FAM184A: variants seen among roughly 807,000 people sequenced by gnomAD.
FAM184A encodes the protein protein FAM184A.
FAM184A carries 99 observed loss-of-function variants against 143.8 expected under a neutral mutation model. That is an observed-to-expected ratio of 0.69 (90% CI 0.58 to 0.81). The LOEUF is 0.81. Among genes scored for constraint, FAM184A ranks in the 40% least tolerant of loss-of-function variants. FAM184A has a pLI of 0.00. For missense variants in FAM184A, 1,217 were observed against 1,310.5 expected (o/e 0.93, Z 1.10); for synonymous variants, 427 against 446.4 (o/e 0.96, Z 0.55).
At chr6:118,981,150 G>A (rs1228305293) in intron 9 of FAM184A, among the ~76,000 whole-genome samples, 1 of 152,016 alleles carries the variant, frequency 6.6e-6, no homozygotes. Context: ...ACTTCTAGAT[G>A]TCTTAATATA....
chr6:118,989,685 CT>C (rs1784308897), intron 9 of FAM184A, among the ~76,000 whole-genome samples: 1 of 151,676 alleles, frequency 6.6e-6, no homozygotes, highest in Admixed American at 6.6e-5. Flanking sequence ...GTTAATTTTA[CT>C]TTTTACTTTA....
At chr6:119,008,762 C>CA (rs1785003036) in intron 6 of FAM184A, among the ~76,000 whole-genome samples, 1 of 152,338 alleles carries the variant, frequency 6.6e-6, no homozygotes, top group Non-Finnish European at 1.5e-5. Flanking sequence ...TGCAACACTA[C>CA]AGTGAGTTTT....
At position 118,964,769 on chromosome 6, in the gene FAM184A, C is replaced by A; in HGVS notation, c.3036G>T (p.Glu1012Asp). 1 of 1,521,336 alleles carries A rather than the reference C, an allele frequency of 6.6e-7. No homozygotes were observed. The highest frequency in any genetic ancestry group is 9.1e-7 in the Non-Finnish European group (1 of 1,101,294). 94.2% of individuals were successfully genotyped at this position (1,521,336 alleles called of 1,614,324 possible). The change falls in exon 16 of 18, where the codon GAG becomes GAT. Residue 1012 changes from glutamate (E) to aspartate (D), a missense_variant and splice_region_variant. Coordinates refer to ENST00000338891, the MANE Select transcript of FAM184A (RefSeq NM_024581.6). ...ATTCCAGCTGATAAAACTTATTATC[C>A]TCCTATGCAAAAGAATTATAAACAT... ...ERDQIIKKLIEDNKFYQLELV... is the reference protein window; with the variant it reads ...ERDQIIKKLIDDNKFYQLELV...
chr6:119,093,075 A>G (rs1788414367), intron 1 of FAM184A, among the ~76,000 whole-genome samples: 1 of 152,128 alleles, frequency 6.6e-6, no homozygotes, highest in African/African-American at 2.4e-5. Flanking sequence ...TTTTATTCCC[A>G]TTGACCCTAG....
At chr6:119,147,938 G>T (rs562742640) in intron 1 of FAM184A, among the ~76,000 whole-genome samples, 13 of 152,166 alleles carry the variant, frequency 8.5e-5, no homozygotes, top group Admixed American at 6.5e-5. Flanking sequence ...CCAGTGCTTT[G>T]CCTGTGATGG....
chr6:119,056,958 T>G (rs977982817), intron 1 of FAM184A, among the ~76,000 whole-genome samples: 1 of 152,204 alleles, frequency 6.6e-6, no homozygotes, highest in African/African-American at 2.4e-5. Flanking sequence ...ATTGAGAAAT[T>G]TATTCCACAG....
chr6:119,037,305 G>A (rs1430814074), intron 1 of FAM184A, among the ~76,000 whole-genome samples: 1 of 152,126 alleles, frequency 6.6e-6, no homozygotes, highest in Admixed American at 6.6e-5. Context: ...GATAGCAGTT[G>A]TGAGGGGTTT....
At chr6:119,002,560 G>A (rs1048325111) in intron 9 of FAM184A, among the ~76,000 whole-genome samples, 2 of 152,048 alleles carry the variant, frequency 1.3e-5, no homozygotes, top group Non-Finnish European at 2.9e-5. Context: ...TCTACCCTCT[G>A]TTGCCCAAAC....
chr6:119,023,822 T>TAAA (rs11353751), intron 2 of FAM184A, 137 bp downstream of exon 2: 192 of 415,726 alleles, frequency 4.6e-4, no homozygotes, highest in South Asian at 9.0e-4. Context: ...CAGGAAAAGT[T>TAAA]AAAAAAAAAA....
At chr6:119,102,656 G>A (rs911469541) in intron 1 of FAM184A, among the ~76,000 whole-genome samples, 2 of 151,564 alleles carry the variant, frequency 1.3e-5, no homozygotes, top group African/African-American at 4.8e-5. Context: ...TGGGCATGCT[G>A]GCATGCACCT....
intron 1 of FAM184A, among the ~76,000 whole-genome samples, chr6:119,027,015 G>C (rs979769607): frequency 6.6e-6 from 1 of 152,014 alleles, no homozygotes; most frequent in African/African-American, 2.4e-5. Flanking sequence ...TCATCTACAT[G>C]ACAAGAACCT....
At chr6:119,090,472 A>T (rs1405758411) in intron 1 of FAM184A, among the ~76,000 whole-genome samples, 1 of 152,238 alleles carries the variant, frequency 6.6e-6, no homozygotes, top group African/African-American at 2.4e-5. Context: ...TGGCATGCAT[A>T]GGAACTGTCC....
intron 1 of FAM184A, among the ~76,000 whole-genome samples, chr6:119,132,885 G>A (rs1297693625): frequency 1.3e-5 from 2 of 152,204 alleles, no homozygotes; most frequent in Admixed American, 6.5e-5. Context: ...GGTTGACTGG[G>A]ATGCAGATGT....
chr6:119,001,269 A>G (rs1277279524), intron 9 of FAM184A, among the ~76,000 whole-genome samples: 4 of 151,320 alleles, frequency 2.6e-5, no homozygotes, highest in Non-Finnish European at 5.9e-5. Flanking sequence ...CAGTTTCTCT[A>G]TGGCAATGCG....
intron 14 of FAM184A, 144 bp from the exon 15 acceptor site, chr6:118,967,096 G>A (rs1220425863): frequency 2.0e-6 from 1 of 510,556 alleles, no homozygotes; most frequent in Non-Finnish European, 3.5e-6. Context: ...TAAGCATAAT[G>A]ACATGACTGC....
Position 119,099,681 on chromosome 6 carries a change from G to A in FAM184A, c.-202+49397C>T, listed in dbSNP as rs1342307711. 9.2e-5 allele frequency among the ~76,000 whole-genome samples: 14 copies of A among 152,092 alleles called. 1 individual carries two copies. The highest frequency in any genetic ancestry group is 6.2e-4 in the South Asian group (3 of 4,810). On this transcript the variant is annotated intron_variant, in intron 1 of 16. Transcript: ENST00000352896. ...ACAGTTGCTAACATTCCTATCTATC[G>A]AAGTCTCCGTAAAAGGCGCAAGAGG...
chr6:119,081,710 C>G (rs1363730645), upstream of FAM184A, among the ~76,000 whole-genome samples: 1 of 152,158 alleles, frequency 6.6e-6, no homozygotes, highest in African/African-American at 2.4e-5. Flanking sequence ...GATGGTTTTC[C>G]CCTGGAGTTG....
chr6:119,050,589 G>C (rs1245578999), intron 1 of FAM184A, among the ~76,000 whole-genome samples: 1 of 151,742 alleles, frequency 6.6e-6, no homozygotes, highest in Non-Finnish European at 1.5e-5. Context: ...GGTGGATCAT[G>C]AGGTCAGGAG....
intron 1 of FAM184A, among the ~76,000 whole-genome samples, chr6:119,044,757 C>T (rs1296494746): frequency 2.6e-5 from 4 of 152,022 alleles, no homozygotes; most frequent in Non-Finnish European, 5.9e-5. Context: ...AGTTTGTAAA[C>T]GTGAAGAAAA....
Sources: allele counts gnomAD v4.1 joint callset (sites outside exome capture counted in the v4.1 genomes callset), GRCh38; gene constraint gnomAD v4.1.1; transcripts MANE v1.5; gene names NCBI Gene and HGNC (gene_info 2026-07-23, HGNC 2026-07-21).